The following RPN2 variants were observed in gnomAD, a reference collection of about 807,000 sequenced individuals.
RPN2 encodes dolichyl-diphosphooligosaccharide--protein glycosyltransferase subunit 2.
Under a neutral mutation model 71.4 loss-of-function variants are expected in RPN2, and 29 were observed. The ratio of observed to expected loss-of-function variants is 0.41; its 90% CI spans 0.30 to 0.55. The LOEUF is 0.55. Ranked by LOEUF, RPN2 falls within the 20% of genes least tolerant of loss-of-function variation. RPN2 has a pLI of 0.35. For synonymous variants in RPN2, 308 were observed against 305.0 expected, an observed-to-expected ratio of 1.01 and a Z score of -0.10; for missense variants, 726 against 774.1, an observed-to-expected ratio of 0.94 and a Z score of 0.74.
intron 2 of RPN2, among the ~76,000 whole-genome samples, chr20:37,195,770 C>T (rs920560207): frequency 1.3e-5 from 2 of 152,098 alleles, no homozygotes; most frequent in Admixed American, 6.6e-5. Flanking sequence ...CCTTGCATTC[C>T]CCTGCTTGGA....
intron 2 of RPN2, among the ~76,000 whole-genome samples, chr20:37,195,519 T>C (rs556435468): frequency 6.6e-6 from 1 of 152,326 alleles, no homozygotes; most frequent in East Asian, 1.9e-4. Flanking sequence ...TTTGCCTTTA[T>C]AATGCCTCAG....
In RPN2 at chr20:37,234,026, C is replaced by T. The variant is rs888471776; in HGVS notation, c.1684C>T (p.Arg562Trp). ...ATTTCTCCCCATCATTCAGTGGATC[C>T]GGATTGGTGCCAATGTCTCCAACTT... ...PLLLLFALWI[R>W]IGANVSNFTF... Residue 562 changes from arginine (R) to tryptophan (W), a missense_variant, in exon 15 of 17, where the codon CGG (arginine) becomes TGG (tryptophan). By Grantham distance (101) the Arg-to-Trp change is moderately radical. Coordinates refer to ENST00000237530, the MANE Select transcript of RPN2 (RefSeq NM_002951.5). 16 of 1,614,000 alleles carry T rather than the reference C, an allele frequency of 9.9e-6. No homozygotes were observed. Among genetic ancestry groups the T allele is most frequent in the Non-Finnish European group, 1.4e-5 (16 of 1,180,014 alleles).
intron 15 of RPN2, among the ~76,000 whole-genome samples, chr20:37,234,722 C>T (rs2068340396): frequency 6.7e-6 from 1 of 150,322 alleles, no homozygotes; most frequent in South Asian, 2.1e-4. Flanking sequence ...ACTCTGTCAC[C>T]CAGGCTGGAG....
At chr20:37,229,710 G>A (rs146484590) in intron 12 of RPN2, among the ~76,000 whole-genome samples, 285 of 152,304 alleles carry the variant, frequency 1.9e-3, no homozygotes, top group East Asian at 0.019. Context: ...TACCAGCTGG[G>A]ATTTTTGTAT....
At chr20:37,241,144 G>A (rs1248957912) in intron 16 of RPN2, among the ~76,000 whole-genome samples, 159 bp from the exon 17 acceptor site, 3 of 152,234 alleles carry the variant, frequency 2.0e-5, no homozygotes, top group East Asian at 1.9e-4. Flanking sequence ...AAATGAGATG[G>A]GGCATACATA....
Position 37,198,483 on chromosome 20 carries a change from A to G in RPN2, c.294A>G (p.Ser98=). Residue 98 remains serine (S), a synonymous_variant, in exon 3 of 17, where the codon TCA becomes TCG. Coordinates refer to ENST00000237530, the MANE Select transcript of RPN2 (RefSeq NM_002951.5). ...FYAAQASQAL[S]GCEISISNET... ...CTGCCCAGGCCAGCCAGGCCCTCTC[A>G]GGATGTGAGGTGAGTCCGGGTTCCT... 1 of 1,614,174 alleles carries G rather than the reference A, an allele frequency of 6.2e-7. No homozygotes were observed. Among genetic ancestry groups the G allele is most frequent in the African/African-American group, 1.3e-5 (1 of 75,062 alleles).
intron 1 of RPN2, among the ~76,000 whole-genome samples, chr20:37,181,420 G>A (rs907910918): frequency 6.8e-6 from 1 of 146,780 alleles, no homozygotes; most frequent in Non-Finnish European, 1.5e-5. Context: ...TTTGCATTTG[G>A]TTTTTCTTTT....
At chr20:37,191,620 T>G (rs1322127589) in intron 2 of RPN2, among the ~76,000 whole-genome samples, 1 of 151,680 alleles carries the variant, frequency 6.6e-6, no homozygotes, top group African/African-American at 2.4e-5. Context: ...ACAAAAAAAT[T>G]AGCTGGGCGT....
chr20:37,209,411 G>A (rs1242321608), intron 7 of RPN2, among the ~76,000 whole-genome samples: 5 of 151,814 alleles, frequency 3.3e-5, no homozygotes, highest in African/African-American at 4.8e-5. Flanking sequence ...CTCCCATCTC[G>A]GCCTCCCAAA....
intron 5 of RPN2, among the ~76,000 whole-genome samples, chr20:37,204,268 G>A (rs2067461876): frequency 6.6e-6 from 1 of 152,210 alleles, no homozygotes; most frequent in African/African-American, 2.4e-5. Context: ...AGTCCTGATG[G>A]TGTTCTCACT....
At position 37,207,306 on chromosome 20, in the gene RPN2, A is replaced by G. The variant is rs749183756; in HGVS notation, c.724A>G (p.Ser242Gly). 1 of 1,614,092 alleles carries G rather than the reference A, an allele frequency of 6.2e-7. No homozygotes were observed. The highest frequency in any genetic ancestry group is 1.1e-5 in the South Asian group (1 of 91,084). ...QVIQLMNAIF[S>G]KKNFESLSEA... ...CATCCAGCTGATGAACGCGATCTTC[A>G]GCAAGAAGAACTTTGAGTCCCTCTC... The change falls in exon 7 of 17, where the codon AGC (serine) becomes GGC (glycine). Residue 242 changes from serine to glycine, a missense_variant. By Grantham distance (56) the Ser-to-Gly change is moderately conservative (BLOSUM62 0). Transcript: ENST00000237530.
At chr20:37,222,380 G>T (rs1323832228) in intron 9 of RPN2, among the ~76,000 whole-genome samples, 1 of 134,272 alleles carries the variant, frequency 7.4e-6, no homozygotes, top group East Asian at 2.0e-4. Context: ...TACAGCTTCT[G>T]GTAATAAACC....
At chr20:37,187,585 A>G (rs1386970934) in intron 2 of RPN2, among the ~76,000 whole-genome samples, 1 of 151,450 alleles carries the variant, frequency 6.6e-6, no homozygotes, top group Non-Finnish European at 1.5e-5. Context: ...TTTGTTTCCT[A>G]TTGGCTTACC....
intron 1 of RPN2, among the ~76,000 whole-genome samples, chr20:37,182,516 G>T (rs1050776255): frequency 4.0e-5 from 6 of 151,744 alleles, no homozygotes; most frequent in Non-Finnish European, 7.4e-5. Context: ...TCCGCCTCCC[G>T]AGTAGCTGGG....
chr20:37,193,269 G>A (rs956435990), intron 2 of RPN2, among the ~76,000 whole-genome samples: 2 of 152,208 alleles, frequency 1.3e-5, no homozygotes, highest in Non-Finnish European at 2.9e-5. Context: ...CCTGGCATGT[G>A]GTAGGCACTG....
At chr20:37,237,935 T>C (rs1014285520) in intron 16 of RPN2, among the ~76,000 whole-genome samples, 8 of 152,198 alleles carry the variant, frequency 5.3e-5, no homozygotes, top group Admixed American at 4.6e-4. Context: ...CTTATGCCTA[T>C]AATCCCAGCA....
chr20:37,204,991 G>C (rs1459309418), intron 6 of RPN2, 90 bp downstream of exon 6: 5 of 1,581,512 alleles, frequency 3.2e-6, no homozygotes, highest in Admixed American at 1.7e-5. Context: ...GGAATGTTCA[G>C]ACAGTACCTT....
chr20:37,233,928 G>A lies in RPN2; in HGVS notation c.1678-92G>A, dbSNP rs112830989. 2.0e-5 allele frequency: 27 copies of A among 1,382,730 alleles called. 2 individuals carry two copies. The highest frequency in any genetic ancestry group is 3.6e-4 in the Middle Eastern group (2 of 5,612). 85.7% of individuals were successfully genotyped at this position (1,382,730 alleles called of 1,614,324 possible). A position where few individuals can be genotyped will look rare whatever the true frequency, so the allele number is the denominator to read the frequency against. On this transcript the variant is annotated intron_variant, in intron 14 of 16. Transcript: ENST00000237530. ...TAGGATGCATGAACTTTGAAGCCTT[G>A]GGGCTGTTGATGGGATTAGCATTGG...
At chr20:37,224,645 T>C (rs1259373814) in intron 10 of RPN2, among the ~76,000 whole-genome samples, 2 of 152,194 alleles carry the variant, frequency 1.3e-5, no homozygotes, top group Admixed American at 1.3e-4. Flanking sequence ...GCCAGAATGC[T>C]GTAAGAAGCC....
Sources: allele counts gnomAD v4.1 joint callset (sites outside exome capture counted in the v4.1 genomes callset), GRCh38; gene constraint gnomAD v4.1.1; transcripts MANE v1.5; gene names NCBI Gene and HGNC (gene_info 2026-07-23, HGNC 2026-07-21).